CYRIB: variants seen among roughly 807,000 people sequenced by gnomAD.
CYRIB encodes the protein CYFIP related Rac1 interactor B.
CYRIB carries 8 observed loss-of-function variants against 44.2 expected under a neutral mutation model. That is an observed-to-expected ratio of 0.18 (90% confidence interval 0.11 to 0.33). CYRIB has a LOEUF of 0.33. Among genes scored for constraint, CYRIB ranks in the 10% least tolerant of loss-of-function variants. CYRIB has a pLI of 1.00. For missense variants in CYRIB, 185 were observed against 382.8 expected (o/e 0.48, Z 4.31); for synonymous variants, 131 against 127.2 (o/e 1.03, Z -0.20).
intron 1 of CYRIB, among the ~76,000 whole-genome samples, chr8:129,997,142 A>AGGAGGAGGAGGGG: frequency 1.1e-5 from 1 of 90,104 alleles, no homozygotes; most frequent in Non-Finnish European, 2.0e-5. Context: ...AGGAGGAGGG[A>AGGAGGAGGAGGGG]GGAAAGGAGG....
In CYRIB at chr8:129,873,776, A is replaced by C. The variant is rs190385783; in HGVS notation, c.74-2280T>G. Among the ~76,000 whole-genome samples the C allele has an allele frequency of 4.5e-3, 683 of 152,200 alleles. 7 individuals carry two copies. The highest frequency in any genetic ancestry group is 4.8e-3 in the Non-Finnish European group (323 of 67,890). ...TCAAGTAGACTTAAGTAGACCTTGT[A>C]AGTGGTTAATAACTAGTAAAGGTTT... On this transcript the variant is annotated intron_variant, in intron 3 of 11. Coordinates refer to ENST00000519824, the Ensembl canonical transcript of CYRIB.
chr8:129,871,006 A>G (rs958280519), intron 4 of CYRIB, among the ~76,000 whole-genome samples: 1 of 152,164 alleles, frequency 6.6e-6, no homozygotes, highest in Non-Finnish European at 1.5e-5. Flanking sequence ...TTGGGAGAGG[A>G]AAGTTGAGGG....
intron 2 of CYRIB, among the ~76,000 whole-genome samples, chr8:129,953,905 C>T (rs2094638111): frequency 6.6e-6 from 1 of 152,144 alleles, no homozygotes. Flanking sequence ...AAAAGTCAAA[C>T]ATAAACTAAA....
intron 11 of CYRIB, among the ~76,000 whole-genome samples, chr8:129,845,213 T>C (rs2039154413): frequency 6.6e-6 from 1 of 152,164 alleles, no homozygotes; most frequent in Non-Finnish European, 1.5e-5. Context: ...CATACTACCT[T>C]CAAGCTCAAG....
At chr8:129,921,873 G>A (rs752971973) in intron 1 of CYRIB, among the ~76,000 whole-genome samples, 7 of 152,050 alleles carry the variant, frequency 4.6e-5, no homozygotes, top group Non-Finnish European at 1.0e-4. Context: ...AAGAAGAGGA[G>A]TTCAGTTTTG....
intron 1 of CYRIB, among the ~76,000 whole-genome samples, chr8:129,911,013 T>C (rs1254068190): frequency 6.6e-6 from 1 of 152,230 alleles, no homozygotes; most frequent in Non-Finnish European, 1.5e-5. Context: ...TCCACAATTG[T>C]GTAACTTAGT....
chr8:129,944,736 T>G (rs971555958), upstream of CYRIB, among the ~76,000 whole-genome samples: 2 of 151,150 alleles, frequency 1.3e-5, no homozygotes, highest in African/African-American at 4.9e-5. Context: ...TGAGCCAATA[T>G]CCCACCATTG....
chr8:130,014,334 G>A (rs1318899289), intron 1 of CYRIB, among the ~76,000 whole-genome samples: 2 of 152,292 alleles, frequency 1.3e-5, no homozygotes, highest in East Asian at 1.9e-4. Flanking sequence ...GGAGGCTGAG[G>A]TAGGAGGATG....
intron 1 of CYRIB, among the ~76,000 whole-genome samples, chr8:129,995,155 C>A (rs1023209883): frequency 1.3e-5 from 2 of 152,196 alleles, no homozygotes; most frequent in Admixed American, 6.5e-5. Flanking sequence ...TACCAACCCA[C>A]CAAGCTGCAG....
chr8:129,900,048 A>T (rs2070683209), intron 2 of CYRIB, among the ~76,000 whole-genome samples: 3 of 152,204 alleles, frequency 2.0e-5, no homozygotes, highest in Admixed American at 6.5e-5. Flanking sequence ...TGCTAAAAAA[A>T]CGGAGAAAGG....
At chr8:130,009,487 T>C (rs1357862675) in intron 1 of CYRIB, among the ~76,000 whole-genome samples, 1 of 152,060 alleles carries the variant, frequency 6.6e-6, no homozygotes, top group Non-Finnish European at 1.5e-5. Flanking sequence ...AGGCTGGTCT[T>C]GAACTCCTGA....
intron 1 of CYRIB, among the ~76,000 whole-genome samples, chr8:129,920,303 G>GA (rs1304847758): frequency 6.6e-6 from 1 of 151,966 alleles, no homozygotes; most frequent in Non-Finnish European, 1.5e-5. Context: ...TAGCCACATG[G>GA]AATCTAATGG....
At chr8:129,929,846 G>T (rs1261180962) in intron 1 of CYRIB, among the ~76,000 whole-genome samples, 1 of 152,100 alleles carries the variant, frequency 6.6e-6, no homozygotes, top group East Asian at 1.9e-4. Flanking sequence ...TTGTTTTAGG[G>T]TACCGGTACC....
chr8:129,914,631 T>C (rs1336042661), intron 1 of CYRIB, among the ~76,000 whole-genome samples: 2 of 152,196 alleles, frequency 1.3e-5, no homozygotes, highest in African/African-American at 4.8e-5. Context: ...TAAAACACTT[T>C]AGTTTTCAAG....
chr8:129,943,079 A>ACCGCCCACCCCCCCC (rs11275212), upstream of CYRIB, among the ~76,000 whole-genome samples: 2 of 113,120 alleles, frequency 1.8e-5, no homozygotes, highest in African/African-American at 9.6e-5. Flanking sequence ...ACATTTTTGC[A>ACCGCCCACCCCCCCC]CCGCCCACCC....
intron 2 of CYRIB, chr8:129,880,518 G>C: frequency 1.2e-6 from 1 of 807,292 alleles, no homozygotes; most frequent in African/African-American, 1.9e-5. Flanking sequence ...CAGAGGCCTG[G>C]GATTTGGCAA....
intron 1 of CYRIB, among the ~76,000 whole-genome samples, chr8:130,003,363 G>A (rs935002223): frequency 6.6e-6 from 1 of 152,224 alleles, no homozygotes; most frequent in Non-Finnish European, 1.5e-5. Flanking sequence ...GACATCAATT[G>A]CAATAGTTGC....
intron 1 of CYRIB, among the ~76,000 whole-genome samples, chr8:130,015,942 GC>G (rs1343292793): frequency 1.3e-5 from 2 of 152,054 alleles, no homozygotes; most frequent in Non-Finnish European, 2.9e-5. Context: ...GTGGCCGGGG[GC>G]CAGCGCTGCT....
rs529820232 is a variant in CYRIB at position 129,951,355 on chromosome 8, TCTCAATACATTAAAATCC to T, written c.-243+19570_-243+19587del. 4.6e-4 allele frequency among the ~76,000 whole-genome samples: 70 copies of T among 151,142 alleles called. No individual in the cohort carries two copies. The South Asian group carries it at 0.01, about 22-fold the overall frequency. ...TAATAAAGTTATATAGTCCTAAGGT[TCTCAATACATTAAAATCC>T]ATCAACCTCAAGGACAACATACAAC... On this transcript the variant is annotated intron_variant, in intron 2 of 14. Coordinates refer to the CYRIB transcript ENST00000401979.
Sources: gnomAD v4.1 joint callset for allele counts (sites outside exome capture counted in the v4.1 genomes callset) on GRCh38, gnomAD v4.1.1 for gene constraint, MANE v1.5 for transcripts, NCBI Gene and HGNC (gene_info 2026-07-23, HGNC 2026-07-21) for gene names.